Variants in IL17RD observed in about 807,000 individuals in gnomAD.
The protein encoded by IL17RD is interleukin 17 receptor D.
IL17RD carries 52 observed loss-of-function variants against 80.5 expected under a neutral mutation model. The ratio of observed to expected loss-of-function variants is 0.65; its 90% CI spans 0.52 to 0.81. The LOEUF (loss-of-function observed/expected upper bound fraction) is 0.81. IL17RD is among the 40% of genes least tolerant of loss of function. IL17RD has a pLI of 0.00. For missense variants in IL17RD, 1,024 were observed against 955.1 expected, an observed-to-expected ratio of 1.07 and a Z score of -0.95; for synonymous variants, 416 against 391.8, an observed-to-expected ratio of 1.06 and a Z score of -0.73.
intron 1 of IL17RD, among the ~76,000 whole-genome samples, chr3:57,148,164 C>T (rs1707975555): frequency 7.3e-6 from 1 of 136,560 alleles, no homozygotes; most frequent in Non-Finnish European, 1.5e-5. Flanking sequence ...CCCGTCTCTA[C>T]TAATACAAAA....
In IL17RD at chr3:57,113,728, T is replaced by TG. The variant is rs540187161; in HGVS notation, c.310+963dup. ...TAATTTTTTAATCTTTTTGTAGAAA[T>TG]GGGGGGGTCTCACTTTGTTGCCCAG... On this transcript the variant is annotated intron_variant, in intron 3 of 12. Coordinates refer to ENST00000296318, the MANE Select transcript of IL17RD (RefSeq NM_017563.5). 2.9e-3 allele frequency among the ~76,000 whole-genome samples: 438 copies of TG among 151,726 alleles called. 1 individual carries two copies. Among genetic ancestry groups the TG allele is most frequent in the African/African-American group, 8.7e-3 (359 of 41,402 alleles).
At chr3:57,099,777 C>G (rs1352218219) in intron 11 of IL17RD, among the ~76,000 whole-genome samples, 2 of 152,106 alleles carry the variant, frequency 1.3e-5, no homozygotes, top group Admixed American at 1.3e-4. Context: ...AATATTGAAC[C>G]ACTGAGATGT....
At chr3:57,157,909 G>C (rs548742355) in intron 1 of IL17RD, among the ~76,000 whole-genome samples, 78 of 152,142 alleles carry the variant, frequency 5.1e-4, no homozygotes, top group Non-Finnish European at 7.2e-4. Context: ...TTTTTTAAAG[G>C]GTTACTATTC....
At chr3:57,126,399 T>G (rs1458683884) in intron 1 of IL17RD, among the ~76,000 whole-genome samples, 1 of 152,164 alleles carries the variant, frequency 6.6e-6, no homozygotes, top group African/African-American at 2.4e-5. Context: ...GAGGGGAGGA[T>G]AACCCTTAAG....
chr3:57,097,497 C>A, intron 12 of IL17RD, 99 bp downstream of exon 12: 1 of 891,036 alleles, frequency 1.1e-6, no homozygotes, highest in Non-Finnish European at 1.8e-6. Context: ...TTTCATTGCC[C>A]AATAAGTTGG....
At chr3:57,154,283 T>TATATATATACACACACACACACACAC (rs904157398) in intron 1 of IL17RD, among the ~76,000 whole-genome samples, 11 of 112,902 alleles carry the variant, frequency 9.7e-5, no homozygotes, top group African/African-American at 2.8e-4. Context: ...TATATATATA[T>TATATATATACACACACACACACACAC]ACACACACAC....
At position 57,095,869 on chromosome 3, in the gene IL17RD, C is replaced by G. The variant is rs149225352; in HGVS notation, c.*524G>C. 2.9e-3 allele frequency: 449 copies of G among 154,736 alleles called. 2 individuals carry two copies. The highest frequency in any genetic ancestry group is 4.4e-3 in the Non-Finnish European group (307 of 69,546). 9.6% of individuals were successfully genotyped at this position (154,736 alleles called of 1,614,324 possible). A position where few individuals can be genotyped will look rare whatever the true frequency, so the allele number is the denominator to read the frequency against. The stretch of plus-strand genomic sequence containing the variant: ...CTTTTGACTCAAAGCTTATTTAACA[C>G]CCATGGCAATGTAAATTCTACATCA... On this transcript the variant is annotated 3_prime_UTR_variant, in exon 13 of 13. Coordinates refer to ENST00000296318, the MANE Select transcript of IL17RD (RefSeq NM_017563.5).
At chr3:57,110,080 G>A (rs1004279278) in intron 4 of IL17RD, 113 bp downstream of exon 4, 76 of 1,213,898 alleles carry the variant, frequency 6.3e-5, no homozygotes, top group Middle Eastern at 2.3e-4. Flanking sequence ...CCACCTTGGC[G>A]GGTGGGGTGG....
intron 1 of IL17RD, among the ~76,000 whole-genome samples, chr3:57,153,532 A>G (rs1343516624): frequency 1.3e-5 from 2 of 152,376 alleles, no homozygotes; most frequent in South Asian, 2.1e-4. Flanking sequence ...TCAAAAAGCA[A>G]TGAGTGACCC....
chr3:57,116,282 CTTTTTTTTTT>C (rs66563028), intron 2 of IL17RD, among the ~76,000 whole-genome samples: 3 of 102,558 alleles, frequency 2.9e-5, no homozygotes, highest in African/African-American at 1.1e-4. Context: ...TTTTTCTTTT[CTTTTTTTTTT>C]TTTTTTTTGA....
chr3:57,135,300 C>G (rs1232615133), intron 1 of IL17RD, among the ~76,000 whole-genome samples: 1 of 152,170 alleles, frequency 6.6e-6, no homozygotes, highest in Non-Finnish European at 1.5e-5. Flanking sequence ...GGGCAGGAGG[C>G]TGGGAGGAGG....
chr3:57,147,931 T>C (rs1707965343), intron 1 of IL17RD, among the ~76,000 whole-genome samples: 1 of 152,104 alleles, frequency 6.6e-6, no homozygotes, highest in South Asian at 2.1e-4. Flanking sequence ...GTAACCAATT[T>C]GTAAAGGCAA....
chr3:57,163,904 T>C (rs2060325974), intron 1 of IL17RD, among the ~76,000 whole-genome samples: 1 of 151,880 alleles, frequency 6.6e-6, no homozygotes, highest in Non-Finnish European at 1.5e-5. Flanking sequence ...CACCTGGTTT[T>C]CTGCACCACA....
chr3:57,165,745 T>C (rs1579331468), upstream of IL17RD, among the ~76,000 whole-genome samples: 2 of 152,132 alleles, frequency 1.3e-5, no homozygotes, highest in East Asian at 1.9e-4. Flanking sequence ...AAGTGTATTA[T>C]TGTTATCCCA....
intron 1 of IL17RD, among the ~76,000 whole-genome samples, chr3:57,160,828 T>C (rs990279591): frequency 6.6e-6 from 1 of 152,224 alleles, no homozygotes; most frequent in African/African-American, 2.4e-5. Context: ...TGCCAATTCC[T>C]GGGCTCCACC....
chr3:57,132,682 T>G (rs1394069664), intron 1 of IL17RD, among the ~76,000 whole-genome samples: 1 of 152,210 alleles, frequency 6.6e-6, no homozygotes, highest in Non-Finnish European at 1.5e-5. Context: ...ACTTACACTG[T>G]TGAGCACATA....
chr3:57,102,878 CTATT>C (rs1203833969), intron 9 of IL17RD, among the ~76,000 whole-genome samples: 2 of 152,130 alleles, frequency 1.3e-5, no homozygotes, highest in Non-Finnish European at 2.9e-5. Context: ...GGACAATTGA[CTATT>C]TATCTAGTCC....
In IL17RD at chr3:57,096,085, T is replaced by C. The variant is rs1017059127; in HGVS notation, c.*308A>G. On this transcript the variant is annotated 3_prime_UTR_variant, in exon 13 of 13. Coordinates refer to ENST00000296318, the MANE Select transcript of IL17RD (RefSeq NM_017563.5). ...ATTAGTGCAGGTATCTTCCTGTTTT[T>C]CTTTACATATTTCCTCCCTACCTCC... The C allele has an allele frequency of 8.8e-5, 28 of 317,010 alleles. No individual in the cohort carries two copies. Among genetic ancestry groups the C allele is most frequent in the Non-Finnish European group, 7.1e-5 (12 of 168,150 alleles). The allele number at this position is 317,010 out of a possible 1,614,324, so 19.6% of individuals were successfully genotyped here.
In IL17RD at chr3:57,093,091, C is replaced by T. The variant is rs752638718; in HGVS notation, c.*3302G>A. The T allele has an allele frequency of 6.6e-6, 1 of 152,134 alleles. No homozygotes were observed. The allele number at this position is 152,134 out of a possible 1,614,324, so 9.4% of individuals were successfully genotyped here. On this transcript the variant is annotated 3_prime_UTR_variant, in exon 13 of 13. Coordinates refer to ENST00000296318, the MANE Select transcript of IL17RD (RefSeq NM_017563.5). ...ACCCACTGTGGGTGGAACAGGGGCG[C>T]TTCAGTTTGCCACAGTCCCCACCAT...
Sources: gnomAD v4.1 joint callset for allele counts (sites outside exome capture counted in the v4.1 genomes callset) on GRCh38, gnomAD v4.1.1 for gene constraint, MANE v1.5 for transcripts, NCBI Gene and HGNC (gene_info 2026-07-23, HGNC 2026-07-21) for gene names.